TOM1L2: variants seen among roughly 807,000 people sequenced by gnomAD.
TOM1L2 encodes the protein TOM1-like protein 2.
In TOM1L2, 31 loss-of-function variants were observed where a neutral mutation model predicts 67.9. That is an observed-to-expected ratio of 0.46 (90% confidence interval 0.34 to 0.62). The LOEUF (loss-of-function observed/expected upper bound fraction) is 0.62, where lower values mean the gene tolerates loss of function less well. Ranked by LOEUF, TOM1L2 falls within the 20% of genes least tolerant of loss-of-function variation. The probability of loss-of-function intolerance (pLI) is 0.01; values close to 1 mark genes in which losing one functional copy is unlikely to be tolerated. For synonymous variants in TOM1L2, 256 were observed against 254.0 expected, an observed-to-expected ratio of 1.01 and a Z score of -0.07; for missense variants, 606 against 663.5, an observed-to-expected ratio of 0.91 and a Z score of 0.95.
At chr17:17,943,813 C>T (rs2144815368) in intron 1 of TOM1L2, among the ~76,000 whole-genome samples, 1 of 152,346 alleles carries the variant, frequency 6.6e-6, no homozygotes, top group Admixed American at 6.5e-5. Flanking sequence ...CTAACCAGCC[C>T]TGACTTCCAC....
At chr17:17,970,704 GCTC>G (rs2042034699) in intron 1 of TOM1L2, among the ~76,000 whole-genome samples, 1 of 152,130 alleles carries the variant, frequency 6.6e-6, no homozygotes, top group Admixed American at 6.5e-5. Context: ...GTAAAGAAAG[GCTC>G]CTAAATGCTA....
intron 6 of TOM1L2, among the ~76,000 whole-genome samples, chr17:17,881,591 G>A (rs911101907): frequency 1.3e-5 from 2 of 152,176 alleles, no homozygotes; most frequent in African/African-American, 4.8e-5. Flanking sequence ...CACAGCACTT[G>A]GGTAGCCACA....
chr17:17,849,495 T>C (rs12951376), intron 13 of TOM1L2, among the ~76,000 whole-genome samples: 107,713 of 152,200 alleles, frequency 0.71, 39,200 homozygotes, highest in African/African-American at 0.86. Flanking sequence ...GATTATATTA[T>C]CTGCTGCTGG....
chr17:17,956,801 C>T (rs1299258325), intron 1 of TOM1L2, among the ~76,000 whole-genome samples: 1 of 152,236 alleles, frequency 6.6e-6, no homozygotes, highest in African/African-American at 2.4e-5. Context: ...ACCCAGAACT[C>T]GCGCTGGCCC....
At chr17:17,869,136 CCTGCTGCTT>C in intron 8 of TOM1L2, 195 bp downstream of exon 8, 1 of 969,154 alleles carries the variant, frequency 1.0e-6, no homozygotes, top group Non-Finnish European at 1.5e-6. Flanking sequence ...ACGTCAACTT[CCTGCTGCTT>C]CTGCTGCTCA....
chr17:17,852,088 A>G (rs530799996), intron 12 of TOM1L2, among the ~76,000 whole-genome samples: 1 of 147,422 alleles, frequency 6.8e-6, no homozygotes, highest in East Asian at 1.9e-4. Context: ...CTCACTTGCA[A>G]GACCCCTATT....
At chr17:17,931,300 C>T (rs2040324724) in intron 1 of TOM1L2, among the ~76,000 whole-genome samples, 1 of 152,190 alleles carries the variant, frequency 6.6e-6, no homozygotes, top group African/African-American at 2.4e-5. Context: ...GCAGCCCATG[C>T]CTCTGCACTG....
rs578046803 is a variant in TOM1L2, at chr17:17,956,756, G to A, written c.52+15506C>T. Among the ~76,000 whole-genome samples, 3 of 152,320 alleles carry A rather than the reference G, an allele frequency of 2.0e-5. No homozygotes were observed. In the South Asian group the frequency reaches 6.2e-4, roughly 32 times the overall value. On this transcript the variant is annotated intron_variant, in intron 1 of 14. Coordinates refer to ENST00000379504, the MANE Select transcript of TOM1L2 (RefSeq NM_001082968.2). ...TGGATGCTAAGCCCCTCACTGCCCGGGGCCTGCGGTGCTGGGCCCGCTGAG... is the reference window on the plus strand; with the variant it reads ...TGGATGCTAAGCCCCTCACTGCCCGAGGCCTGCGGTGCTGGGCCCGCTGAG...
chr17:17,906,321 A>G (rs1156964249), intron 2 of TOM1L2, among the ~76,000 whole-genome samples: 1 of 151,706 alleles, frequency 6.6e-6, no homozygotes, highest in Non-Finnish European at 1.5e-5. Context: ...TAAAGACAAG[A>G]TTCAACCGTG....
chr17:17,866,862 G>C lies in TOM1L2; in HGVS notation c.960+14C>G. 6.2e-7 allele frequency: 1 copy of C among 1,613,440 alleles called. No homozygotes were observed. Among genetic ancestry groups the C allele is most frequent in the Non-Finnish European group, 8.5e-7 (1 of 1,179,394 alleles). On this transcript the variant is annotated intron_variant, in intron 9 of 14. Transcript: ENST00000379504. ...TGGCCTCAGGAGATGACAGGATTCT[G>C]AAGGAATACTTACTCCATTACTGGC... is the stretch of plus-strand genomic sequence containing the variant.
chr17:17,892,952 G>A (rs1408929672), intron 4 of TOM1L2, among the ~76,000 whole-genome samples: 1 of 152,106 alleles, frequency 6.6e-6, no homozygotes, highest in Non-Finnish European at 1.5e-5. Flanking sequence ...AGCTATAGTC[G>A]AGCCTTCAGA....
At chr17:17,862,663 G>T in intron 11 of TOM1L2, 68 bp downstream of exon 11, 4 of 1,330,170 alleles carry the variant, frequency 3.0e-6, no homozygotes, top group Non-Finnish European at 4.3e-6. Context: ...TTTTGTGCTG[G>T]CCTGTGACCA....
At chr17:17,893,629 T>C (rs1423407681) in intron 4 of TOM1L2, 32 bp downstream of exon 4, 8 of 1,604,546 alleles carry the variant, frequency 5.0e-6, no homozygotes, top group Middle Eastern at 1.7e-4. Context: ...TCTTACTCTG[T>C]TCCAACAAAT....
At chr17:17,925,093 A>T (rs1204228625) in intron 1 of TOM1L2, among the ~76,000 whole-genome samples, 1 of 152,140 alleles carries the variant, frequency 6.6e-6, no homozygotes, top group Non-Finnish European at 1.5e-5. Context: ...CCCTTCTGCC[A>T]TGAGTAAAAG....
intron 13 of TOM1L2, 89 bp downstream of exon 13, chr17:17,850,804 G>T: frequency 7.1e-7 from 1 of 1,400,324 alleles, no homozygotes; most frequent in Non-Finnish European, 1.0e-6. Flanking sequence ...CAGGGGTGGA[G>T]CCCCTGCTGA....
intron 3 of TOM1L2, among the ~76,000 whole-genome samples, chr17:17,895,719 TCTC>T: frequency 6.6e-6 from 1 of 152,172 alleles, no homozygotes; most frequent in East Asian, 1.9e-4. Flanking sequence ...CCCTCACAGC[TCTC>T]CTCCAAGCAG....
intron 14 of TOM1L2, among the ~76,000 whole-genome samples, chr17:17,848,231 G>A (rs2035759057): frequency 6.6e-6 from 1 of 152,212 alleles, no homozygotes; most frequent in Non-Finnish European, 1.5e-5. Flanking sequence ...GGCACTGAGA[G>A]CTAGGGAGCA....
At chr17:17,848,348 T>C (rs933563248) in intron 14 of TOM1L2, among the ~76,000 whole-genome samples, 6 of 151,758 alleles carry the variant, frequency 4.0e-5, no homozygotes, top group African/African-American at 1.5e-4. Context: ...TGGGGCAAGA[T>C]GAGCTTGGGG....
At chr17:17,922,966 C>T (rs2039938804) in intron 1 of TOM1L2, among the ~76,000 whole-genome samples, 1 of 152,150 alleles carries the variant, frequency 6.6e-6, no homozygotes, top group Non-Finnish European at 1.5e-5. Flanking sequence ...CACCAACTAG[C>T]CTGTGAGGCC....
Sources: allele counts gnomAD v4.1 joint callset (sites outside exome capture counted in the v4.1 genomes callset), GRCh38; gene constraint gnomAD v4.1.1; transcripts MANE v1.5; gene names NCBI Gene and HGNC (gene_info 2026-07-23, HGNC 2026-07-21).